KIAA1958: variants seen among roughly 807,000 people sequenced by gnomAD.
The protein encoded by KIAA1958 is KIAA1958, also known as uncharacterized protein KIAA1958.
In KIAA1958, 14 loss-of-function variants were observed where a neutral mutation model predicts 47.2. That is an observed-to-expected ratio of 0.30 (90% CI 0.20 to 0.46). The LOEUF (loss-of-function observed/expected upper bound fraction) is 0.46. Ranked by LOEUF, KIAA1958 falls within the 20% of genes least tolerant of loss-of-function variation. The probability of loss-of-function intolerance (pLI) is 1.00; values close to 1 mark genes in which losing one functional copy is unlikely to be tolerated. For missense variants in KIAA1958, 803 were observed against 909.2 expected (o/e 0.88, Z 1.50); for synonymous variants, 354 against 353.3 (o/e 1.00, Z -0.02).
In KIAA1958 at chr9:112,664,155, ATAGT is replaced by A. The variant is rs545646535; in HGVS notation, c.*4091_*4094del. The A allele has an allele frequency of 3.7e-4, 57 of 152,382 alleles. No individual in the cohort carries two copies. The highest frequency in any genetic ancestry group is 1.7e-3 in the East Asian group (9 of 5,184). 9.4% of individuals were successfully genotyped at this position (152,382 alleles called of 1,614,324 possible). On this transcript the variant is annotated 3_prime_UTR_variant, in exon 4 of 4. Transcript: ENST00000337530. ...GACACAAAATTCCTAATTCCTGAAGATAGTTAGTCTCCTAATTAAGTGCTTCTCA... is the reference window on the plus strand; with the variant it reads ...GACACAAAATTCCTAATTCCTGAAGATAGTCTCCTAATTAAGTGCTTCTCA...
intron 1 of KIAA1958, among the ~76,000 whole-genome samples, chr9:112,519,373 C>G (rs1166269536): frequency 2.6e-5 from 4 of 152,132 alleles, no homozygotes; most frequent in Non-Finnish European, 4.4e-5. Flanking sequence ...ATGCTCATAG[C>G]TTTTCAAACT....
chr9:112,567,370 AC>A (rs372142957), intron 1 of KIAA1958, among the ~76,000 whole-genome samples: 42 of 152,296 alleles, frequency 2.8e-4, no homozygotes, highest in African/African-American at 9.4e-4. Context: ...TCACCAGGGA[AC>A]CAAGCTCCTT....
chr9:112,643,385 A>G (rs1836925695), intron 2 of KIAA1958, among the ~76,000 whole-genome samples: 1 of 152,256 alleles, frequency 6.6e-6, no homozygotes, highest in Non-Finnish European at 1.5e-5. Context: ...GAAAACAGGA[A>G]TAACAAAGGG....
chr9:112,552,835 T>C (rs1835175517), intron 1 of KIAA1958, among the ~76,000 whole-genome samples: 1 of 152,152 alleles, frequency 6.6e-6, no homozygotes, highest in Admixed American at 6.5e-5. Flanking sequence ...CTGTGTACAA[T>C]TCAAGTCGGC....
intron 1 of KIAA1958, among the ~76,000 whole-genome samples, chr9:112,535,858 T>C (rs1834846398): frequency 6.6e-6 from 1 of 152,222 alleles, no homozygotes; most frequent in South Asian, 2.1e-4. Context: ...TTTTTTCATC[T>C]ACCTGTTGGC....
At chr9:112,639,829 T>G (rs2131238082) in intron 2 of KIAA1958, among the ~76,000 whole-genome samples, 1 of 152,172 alleles carries the variant, frequency 6.6e-6, no homozygotes, top group South Asian at 2.1e-4. Flanking sequence ...GTCTACCTCA[T>G]CCTGCCCTAC....
chr9:112,580,419 T>C (rs1357856629), intron 2 of KIAA1958, among the ~76,000 whole-genome samples: 1 of 149,604 alleles, frequency 6.7e-6, no homozygotes, highest in Non-Finnish European at 1.5e-5. Context: ...CATATATATG[T>C]ATATATATAT....
At chr9:112,507,574 C>T (rs1587993028) in intron 1 of KIAA1958, among the ~76,000 whole-genome samples, 1 of 152,124 alleles carries the variant, frequency 6.6e-6, no homozygotes, top group Non-Finnish European at 1.5e-5. Flanking sequence ...GTTTTGAATT[C>T]CTGGCCTCAA....
intron 1 of KIAA1958, among the ~76,000 whole-genome samples, chr9:112,494,263 C>T (rs1051589785): frequency 7.9e-5 from 12 of 152,084 alleles, no homozygotes; most frequent in Admixed American, 4.6e-4. Context: ...ATTACATTGG[C>T]TCAAGTGTTT....
At chr9:112,621,081 C>T (rs1564192901) in intron 2 of KIAA1958, among the ~76,000 whole-genome samples, 3 of 152,104 alleles carry the variant, frequency 2.0e-5, no homozygotes. Context: ...TTAAGTTTCT[C>T]AGTACCAGCT....
At chr9:112,630,997 G>T (rs1276805874) in intron 2 of KIAA1958, among the ~76,000 whole-genome samples, 1 of 152,116 alleles carries the variant, frequency 6.6e-6, no homozygotes, top group Non-Finnish European at 1.5e-5. Context: ...CCTTGCTAGG[G>T]AAAGAATATT....
At chr9:112,620,847 C>T (rs1026853533) in intron 2 of KIAA1958, among the ~76,000 whole-genome samples, 1 of 151,784 alleles carries the variant, frequency 6.6e-6, no homozygotes, top group Admixed American at 6.6e-5. Flanking sequence ...AAACAAAATA[C>T]GTACTCGTAA....
intron 1 of KIAA1958, among the ~76,000 whole-genome samples, chr9:112,531,344 C>T (rs1016869830): frequency 1.3e-5 from 2 of 152,092 alleles, no homozygotes; most frequent in African/African-American, 2.4e-5. Context: ...GACGAGATCA[C>T]GCCATTGCAC....
chr9:112,600,084 A>T (rs906006477), intron 2 of KIAA1958, among the ~76,000 whole-genome samples: 4 of 152,220 alleles, frequency 2.6e-5, no homozygotes, highest in African/African-American at 9.6e-5. Context: ...AGTGCTTCTT[A>T]TTGTGATTAA....
chr9:112,609,499 T>G (rs1335998263), intron 2 of KIAA1958, among the ~76,000 whole-genome samples: 1 of 152,182 alleles, frequency 6.6e-6, no homozygotes, highest in African/African-American at 2.4e-5. Context: ...AAATTGAAAC[T>G]TGAATTACAG....
intron 2 of KIAA1958, among the ~76,000 whole-genome samples, chr9:112,577,568 A>G (rs1182438634): frequency 6.6e-6 from 1 of 151,504 alleles, no homozygotes; most frequent in Non-Finnish European, 1.5e-5. Context: ...TAGAATTCAG[A>G]AATGTATTTT....
chr9:112,564,410 G>A (rs759777918), intron 1 of KIAA1958, among the ~76,000 whole-genome samples: 1 of 152,110 alleles, frequency 6.6e-6, no homozygotes, highest in Admixed American at 6.6e-5. Flanking sequence ...ACTCTAAAAG[G>A]TTCAGAACCT....
At chr9:112,646,132 T>C (rs1836971484) in intron 3 of KIAA1958, among the ~76,000 whole-genome samples, 1 of 151,768 alleles carries the variant, frequency 6.6e-6, no homozygotes, top group Non-Finnish European at 1.5e-5. Context: ...TAGAATTAGA[T>C]GAGGACGGGA....
rs551509598 is a variant in KIAA1958, at chr9:112,664,218, T to A, written c.*4149T>A. On this transcript the variant is annotated 3_prime_UTR_variant, in exon 4 of 4. Coordinates refer to ENST00000337530, the MANE Select transcript of KIAA1958 (RefSeq NM_133465.4). The stretch of plus-strand genomic sequence containing the variant: ...GGATGCCTTCTTTAGGAATAAGACT[T>A]TCCTTTAATTTTCAAGTTCCACAAC... 1.3e-5 allele frequency: 2 copies of A among 152,372 alleles called. No individual in the cohort carries two copies. The highest frequency in any genetic ancestry group is 3.9e-4 in the East Asian group (2 of 5,186). The allele number at this position is 152,372 out of a possible 1,614,324, so 9.4% of individuals were successfully genotyped here.
Sources: gnomAD v4.1 joint callset for allele counts (sites outside exome capture counted in the v4.1 genomes callset) on GRCh38, gnomAD v4.1.1 for gene constraint, MANE v1.5 for transcripts, NCBI Gene and HGNC (gene_info 2026-07-23, HGNC 2026-07-21) for gene names.